The following EIF2AK2 variants were observed in gnomAD, a reference collection of about 807,000 sequenced individuals.
EIF2AK2 encodes the protein interferon-induced, double-stranded RNA-activated protein kinase.
A neutral mutation model predicts 70.5 loss-of-function variants in EIF2AK2; 40 were observed. The observed-to-expected ratio is 0.57, with a 90% confidence interval of 0.44 to 0.74. The LOEUF (loss-of-function observed/expected upper bound fraction) is 0.74. EIF2AK2 is among the 30% of genes least tolerant of loss of function. EIF2AK2 has a pLI of 0.00. For synonymous variants in EIF2AK2, 198 were observed against 220.9 expected (o/e 0.90, Z 0.92); for missense variants, 555 against 644.3 (o/e 0.86, Z 1.50).
intron 1 of EIF2AK2, among the ~76,000 whole-genome samples, chr2:37,151,517 A>C (rs1381428571): frequency 6.6e-6 from 1 of 152,236 alleles, no homozygotes; most frequent in African/African-American, 2.4e-5. Flanking sequence ...AATGTAAAAC[A>C]ATACGGTTGC....
intron 15 of EIF2AK2, 97 bp from the exon 16 acceptor site, chr2:37,107,624 C>A: frequency 7.1e-7 from 1 of 1,399,456 alleles, no homozygotes; most frequent in Non-Finnish European, 9.7e-7. Flanking sequence ...TAGGATATTT[C>A]CAGATTTTTT....
chr2:37,138,731 G>T, intron 6 of EIF2AK2, 146 bp from the exon 7 acceptor site: 2 of 679,812 alleles, frequency 2.9e-6, no homozygotes, highest in South Asian at 2.1e-5. Context: ...AACATTTTTT[G>T]GATGTTTGGT....
At position 37,104,678 on chromosome 2, in the gene EIF2AK2, G is replaced by GT. The variant is rs998116925; in HGVS notation, c.*2594dup. ...GATTCAAACATTGCATTTGGTCATTGTATCTTACAAGTCTCTCCCCTTTTT... is the reference window on the plus strand; with the variant it reads ...GATTCAAACATTGCATTTGGTCATTGTTATCTTACAAGTCTCTCCCCTTTTT... On this transcript the variant is annotated 3_prime_UTR_variant, in exon 17 of 17. Coordinates refer to ENST00000233057, the MANE Select transcript of EIF2AK2 (RefSeq NM_001135651.3). 1.3e-5 allele frequency: 2 copies of GT among 150,404 alleles called. No individual in the cohort carries two copies. The highest frequency in any genetic ancestry group is 4.9e-5 in the African/African-American group (2 of 40,942). 9.3% of individuals were successfully genotyped at this position (150,404 alleles called of 1,614,324 possible). A position where few individuals can be genotyped will look rare whatever the true frequency, so the allele number is the denominator to read the frequency against.
In EIF2AK2 at chr2:37,141,546, G is replaced by A. The variant is rs756688740; in HGVS notation, c.389+7C>T. ...GAAACAGAAAGAAAAGCCAAATTATGTCTTACCCTTCTGGCCCATGCACCC... is the reference window on the plus strand; with the variant it reads ...GAAACAGAAAGAAAAGCCAAATTATATCTTACCCTTCTGGCCCATGCACCC... On this transcript the variant is annotated splice_region_variant and intron_variant, in intron 5 of 16. Transcript: ENST00000233057. The A allele has an allele frequency of 5.6e-6, 9 of 1,607,284 alleles. No individual in the cohort carries two copies. Among genetic ancestry groups the A allele is most frequent in the South Asian group, 3.4e-5 (3 of 88,562 alleles).
At chr2:37,117,474 C>G (rs2148672600) in intron 13 of EIF2AK2, among the ~76,000 whole-genome samples, 1 of 152,118 alleles carries the variant, frequency 6.6e-6, no homozygotes, top group East Asian at 1.9e-4. Context: ...GAGGTCCAGG[C>G]TGCAGTGAGC....
chr2:37,138,448 ATCTG>A (rs1675204691), intron 7 of EIF2AK2, 57 bp downstream of exon 7: 2 of 1,600,590 alleles, frequency 1.2e-6, no homozygotes, highest in Non-Finnish European at 1.7e-6. Context: ...AAACATAAAA[ATCTG>A]TCTTTCAGAC....
At chr2:37,152,133 C>A (rs762068114) in intron 1 of EIF2AK2, among the ~76,000 whole-genome samples, 2 of 152,204 alleles carry the variant, frequency 1.3e-5, no homozygotes, top group Non-Finnish European at 2.9e-5. Flanking sequence ...AATGAAAAAT[C>A]CAGACATAAA....
At chr2:37,151,486 C>A (rs1675739006) in intron 1 of EIF2AK2, among the ~76,000 whole-genome samples, 1 of 151,910 alleles carries the variant, frequency 6.6e-6, no homozygotes, top group Non-Finnish European at 1.5e-5. Flanking sequence ...GAAACTGGAC[C>A]CCTCAAACAC....
chr2:37,125,221 G>A lies in EIF2AK2; in HGVS notation c.908+1068C>T, dbSNP rs150786053. ...GAGAGGGGTTTCTCCATGTTGGTGAGGCTGGTCTCGAACTCCTGACCTCAG... is the reference window on the plus strand; with the variant it reads ...GAGAGGGGTTTCTCCATGTTGGTGAAGCTGGTCTCGAACTCCTGACCTCAG... On this transcript the variant is annotated intron_variant, in intron 11 of 16. Transcript: ENST00000233057. 9.6e-3 allele frequency among the ~76,000 whole-genome samples: 1,464 copies of A among 152,164 alleles called. 24 individuals are homozygous for A. Among genetic ancestry groups the A allele is most frequent in the African/African-American group, 0.033 (1,381 of 41,484 alleles).
intron 1 of EIF2AK2, among the ~76,000 whole-genome samples, chr2:37,150,592 T>C (rs771507969): frequency 5.3e-5 from 8 of 152,198 alleles, no homozygotes; most frequent in African/African-American, 9.7e-5. Flanking sequence ...GAGGACCGCT[T>C]GTAGCCGGGA....
intron 13 of EIF2AK2, among the ~76,000 whole-genome samples, chr2:37,119,599 A>T (rs1033543749): frequency 3.1e-4 from 47 of 150,694 alleles, no homozygotes; most frequent in African/African-American, 1.1e-3. Context: ...ATATATATAT[A>T]ATTTTTTTTT....
chr2:37,124,630 C>A (rs1239290850), intron 11 of EIF2AK2, among the ~76,000 whole-genome samples: 1 of 152,074 alleles, frequency 6.6e-6, no homozygotes, highest in Non-Finnish European at 1.5e-5. Flanking sequence ...ATACTCATTT[C>A]TTTACTGCTG....
intron 1 of EIF2AK2, among the ~76,000 whole-genome samples, chr2:37,150,206 A>G (rs181991288): frequency 6.6e-6 from 1 of 152,204 alleles, no homozygotes; most frequent in East Asian, 1.9e-4. Context: ...AATACTTCAC[A>G]ACATTGAAAG....
rs1673893055 is a variant in EIF2AK2, at chr2:37,104,006, G to A, written c.*3267C>T. Reference sequence around the variant, plus strand: ...ATAGAAAAAATTAACCTGGAGTGGTGGCAGATACCTGTAATCCCAGCTACT... The same window carrying A: ...ATAGAAAAAATTAACCTGGAGTGGTAGCAGATACCTGTAATCCCAGCTACT... On this transcript the variant is annotated 3_prime_UTR_variant, in exon 17 of 17. Coordinates refer to ENST00000233057, the MANE Select transcript of EIF2AK2 (RefSeq NM_001135651.3). 6.6e-6 allele frequency: 1 copy of A among 152,134 alleles called. No individual in the cohort carries two copies. Among genetic ancestry groups the A allele is most frequent in the Non-Finnish European group, 1.5e-5 (1 of 68,060 alleles). The allele number at this position is 152,134 out of a possible 1,614,324, so 9.4% of individuals were successfully genotyped here. A position where few individuals can be genotyped will look rare whatever the true frequency, so the allele number is the denominator to read the frequency against.
At chr2:37,122,189 C>G (rs910430564) in intron 12 of EIF2AK2, among the ~76,000 whole-genome samples, 11 of 152,152 alleles carry the variant, frequency 7.2e-5, no homozygotes, top group African/African-American at 2.7e-4. Context: ...CAAGACTACA[C>G]TTAAACAGCC....
intron 1 of EIF2AK2, among the ~76,000 whole-genome samples, chr2:37,153,337 C>CTCTTTTTTTTTTTTTTTTTTTTTTTTT (rs777537067): frequency 9.1e-6 from 1 of 109,866 alleles, no homozygotes; most frequent in African/African-American, 3.3e-5. Flanking sequence ...CTCTGCTAAT[C>CTCTTTTTTTTTTTTTTTTTTTTTTTTT]TTTTTTTTTT....
chr2:37,104,856 T>C lies in EIF2AK2; in HGVS notation c.*2417A>G, dbSNP rs919491115. 5.3e-5 allele frequency: 8 copies of C among 152,218 alleles called. No homozygotes were observed. Among genetic ancestry groups the C allele is most frequent in the Non-Finnish European group, 1.2e-4 (8 of 68,046 alleles). 9.4% of individuals were successfully genotyped at this position (152,218 alleles called of 1,614,324 possible). On this transcript the variant is annotated 3_prime_UTR_variant, in exon 17 of 17. Transcript: ENST00000233057. The stretch of plus-strand genomic sequence containing the variant: ...AAATAGGTAAAATTCTTAAGTCACA[T>C]CAGGAGGGGCATAATGTTAGGGTGT...
At chr2:37,146,662 C>T (rs1675549603) in intron 4 of EIF2AK2, among the ~76,000 whole-genome samples, 191 bp downstream of exon 4, 1 of 152,110 alleles carries the variant, frequency 6.6e-6, no homozygotes, top group South Asian at 2.1e-4. Context: ...CAGCTTTGCC[C>T]ATGGTGTCCT....
In EIF2AK2 at chr2:37,103,347, C is replaced by G. The variant is rs1218882703; in HGVS notation, c.*3926G>C. ...AGTAGCTGGGATTACAGGCGCCTACCACCACACCCAGCTAATTTTTGTATT... is the reference window on the plus strand; with the variant it reads ...AGTAGCTGGGATTACAGGCGCCTACGACCACACCCAGCTAATTTTTGTATT... On this transcript the variant is annotated 3_prime_UTR_variant, in exon 17 of 17. Transcript: ENST00000233057. The G allele has an allele frequency of 6.6e-6, 1 of 152,142 alleles. No homozygotes were observed. The highest frequency in any genetic ancestry group is 2.4e-5 in the African/African-American group (1 of 41,352). 9.4% of individuals were successfully genotyped at this position (152,142 alleles called of 1,614,324 possible).
Sources: gnomAD v4.1 joint callset for allele counts (sites outside exome capture counted in the v4.1 genomes callset) on GRCh38, gnomAD v4.1.1 for gene constraint, MANE v1.5 for transcripts, NCBI Gene and HGNC (gene_info 2026-07-23, HGNC 2026-07-21) for gene names.